Variants in NREP observed in about 807,000 individuals in gnomAD.
NREP encodes neuronal regeneration-related protein.
In NREP, 5 loss-of-function variants were observed where a neutral mutation model predicts 8.6. That is an observed-to-expected ratio of 0.58 (90% CI 0.30 to 1.22). The LOEUF is 1.22. Among genes scored for constraint, NREP ranks in the 50% most tolerant of loss-of-function variants. The pLI, the probability that NREP is intolerant of heterozygous loss-of-function variation, is 0.07. For missense variants in NREP, 86 were observed against 82.5 expected (o/e 1.04, Z -0.17); for synonymous variants, 27 against 28.0 (o/e 0.96, Z 0.11).
intron 2 of NREP, among the ~76,000 whole-genome samples, chr5:111,868,674 A>C (rs993151184): frequency 6.6e-6 from 1 of 152,158 alleles, no homozygotes; most frequent in Non-Finnish European, 1.5e-5. Flanking sequence ...GTCCATTTTC[A>C]TCACCTGTCA....
intron 2 of NREP, among the ~76,000 whole-genome samples, chr5:111,815,464 A>G (rs1490196803): frequency 6.6e-6 from 1 of 152,106 alleles, no homozygotes; most frequent in Admixed American, 6.6e-5. Flanking sequence ...ATTGCCAGGC[A>G]TCTAAGGACT....
intron 2 of NREP, among the ~76,000 whole-genome samples, chr5:111,833,375 AG>A (rs1398260925): frequency 6.6e-6 from 1 of 152,220 alleles, no homozygotes; most frequent in East Asian, 1.9e-4. Context: ...TAGCGCCAAA[AG>A]GCATTTAGGT....
chr5:111,774,766 A>G (rs1328515885), intron 2 of NREP, among the ~76,000 whole-genome samples: 1 of 152,238 alleles, frequency 6.6e-6, no homozygotes, highest in Non-Finnish European at 1.5e-5. Context: ...CAGAGCCTCC[A>G]GAAAGGAATG....
chr5:111,797,044 G>A (rs181143168), intron 2 of NREP, among the ~76,000 whole-genome samples: 5 of 151,334 alleles, frequency 3.3e-5, no homozygotes, highest in African/African-American at 4.9e-5. Flanking sequence ...ACAAGAAAAC[G>A]CAAGCGCAGT....
chr5:111,836,484 A>G (rs2112942428), intron 2 of NREP, among the ~76,000 whole-genome samples: 1 of 152,232 alleles, frequency 6.6e-6, no homozygotes, highest in Non-Finnish European at 1.5e-5. Flanking sequence ...TAAAATTGGC[A>G]ACATTAACAA....
chr5:111,750,240 C>A (rs1750269860), intron 2 of NREP, among the ~76,000 whole-genome samples: 1 of 152,148 alleles, frequency 6.6e-6, no homozygotes, highest in Admixed American at 6.5e-5. Context: ...ATCTGGAATA[C>A]TCCTCTCTCT....
chr5:111,946,074 T>TCA (rs72097994), intron 2 of NREP, among the ~76,000 whole-genome samples: 34,073 of 126,672 alleles, frequency 0.27, 4,190 homozygotes, highest in Middle Eastern at 0.35. Context: ...GAGATTTTGA[T>TCA]CACACACACA....
At chr5:111,976,749 G>T in exon 1 of NREP, 1 of 1,550,500 alleles carries the variant, frequency 6.4e-7, no homozygotes, top group South Asian at 1.2e-5. Context: ...TTCCAGTCCT[G>T]TTACTGCTTG....
chr5:111,755,686 G>C, intron 2 of NREP, 84 bp downstream of exon 2: 4 of 1,446,934 alleles, frequency 2.8e-6, no homozygotes, highest in Non-Finnish European at 3.9e-6. Context: ...GAAGGGTTGA[G>C]GCGGATGAAG....
chr5:111,934,459 A>C (rs1755627435), intron 2 of NREP, among the ~76,000 whole-genome samples: 2 of 152,102 alleles, frequency 1.3e-5, no homozygotes. Flanking sequence ...GAACATGAAA[A>C]GATAGTAATT....
Position 111,857,217 on chromosome 5 carries a change from C to G in NREP, c.135+118057G>C, listed in dbSNP as rs548520831. Among the ~76,000 whole-genome samples the G allele has an allele frequency of 5.9e-5, 9 of 152,228 alleles. No individual in the cohort carries two copies. The East Asian group carries it at 1.5e-3, about 26-fold the overall frequency. On this transcript the variant is annotated intron_variant, in intron 2 of 3. Transcript: ENST00000395634. ...GAGTCTTGTCCTAGTGTTTGTCACC[C>G]CACAGTGTGGGCCATAGCAGCACTA...
intron 2 of NREP, among the ~76,000 whole-genome samples, chr5:111,908,767 T>C (rs977401222): frequency 3.3e-5 from 5 of 152,208 alleles, no homozygotes; most frequent in Middle Eastern, 3.4e-3. Flanking sequence ...GGTAGAATGA[T>C]TCATTTTCCT....
intron 3 of NREP, chr5:111,734,546 A>C (rs1748925005): frequency 2.3e-6 from 1 of 443,516 alleles, no homozygotes; most frequent in Admixed American, 4.0e-5. Flanking sequence ...GCAAACTGCC[A>C]GTTGATACAA....
chr5:111,876,207 G>A (rs1201011230), intron 2 of NREP, among the ~76,000 whole-genome samples: 1 of 152,196 alleles, frequency 6.6e-6, no homozygotes, highest in Non-Finnish European at 1.5e-5. Flanking sequence ...CATGCTTCTA[G>A]CTTCCTTATG....
At chr5:111,874,323 C>T (rs553745691) in intron 2 of NREP, among the ~76,000 whole-genome samples, 2 of 152,264 alleles carry the variant, frequency 1.3e-5, no homozygotes, top group South Asian at 4.1e-4. Flanking sequence ...AAACTAAAAA[C>T]AATTATTTCA....
chr5:111,850,757 G>C lies in NREP; in HGVS notation c.136-115250C>G, dbSNP rs930477705. On this transcript the variant is annotated intron_variant, in intron 2 of 3. Coordinates refer to the NREP transcript ENST00000395634. ...AATATGTAAAGCTGTGACCAATTTCGTAAAACACCACTTTTCTTTTTCCCT... is the reference window on the plus strand; with the variant it reads ...AATATGTAAAGCTGTGACCAATTTCCTAAAACACCACTTTTCTTTTTCCCT... 2.0e-5 allele frequency among the ~76,000 whole-genome samples: 3 copies of C among 152,126 alleles called. No homozygotes were observed. The East Asian group carries it at 5.8e-4, about 29-fold the overall frequency.
intron 2 of NREP, chr5:111,940,121 A>G (rs1338299612): frequency 6.6e-6 from 1 of 152,110 alleles, no homozygotes; most frequent in Non-Finnish European, 1.5e-5. Flanking sequence ...TAGCCACTCT[A>G]CAAGAATAGC....
intron 2 of NREP, among the ~76,000 whole-genome samples, chr5:111,771,858 C>T (rs150396905): frequency 2.0e-4 from 30 of 151,766 alleles, no homozygotes; most frequent in African/African-American, 7.2e-4. Flanking sequence ...TAATGAAAAC[C>T]AAAAGTTATA....
chr5:111,798,493 C>A (rs192564021), intron 2 of NREP, among the ~76,000 whole-genome samples: 1 of 152,032 alleles, frequency 6.6e-6, no homozygotes, highest in African/African-American at 2.4e-5. Flanking sequence ...GTATCCAGTG[C>A]GTAGTCTTTT....
Sources: gnomAD v4.1 joint callset for allele counts (sites outside exome capture counted in the v4.1 genomes callset) on GRCh38, gnomAD v4.1.1 for gene constraint, MANE v1.5 for transcripts, NCBI Gene and HGNC (gene_info 2026-07-23, HGNC 2026-07-21) for gene names.